Variants in NKAIN2 observed in about 807,000 individuals in gnomAD.
The protein encoded by NKAIN2 is sodium/potassium-transporting ATPase subunit beta-1-interacting protein 2.
Under a neutral mutation model 32.6 loss-of-function variants are expected in NKAIN2, and 14 were observed. That is an observed-to-expected ratio of 0.43 (90% CI 0.28 to 0.67). The LOEUF (loss-of-function observed/expected upper bound fraction) is 0.67. NKAIN2 is among the 30% of genes least tolerant of loss of function. The pLI is 0.17. For synonymous variants in NKAIN2, 80 were observed against 87.2 expected (o/e 0.92, Z 0.46); for missense variants, 198 against 258.3 (o/e 0.77, Z 1.60).
At chr6:124,055,000 A>G (rs1396408203) in intron 1 of NKAIN2, among the ~76,000 whole-genome samples, 1 of 152,066 alleles carries the variant, frequency 6.6e-6, no homozygotes, top group African/African-American at 2.4e-5. Context: ...TTCCTATTGG[A>G]TATGTGTTTC....
At chr6:124,414,330 T>G (rs562760400) in intron 3 of NKAIN2, among the ~76,000 whole-genome samples, 1 of 152,204 alleles carries the variant, frequency 6.6e-6, no homozygotes, top group Non-Finnish European at 1.5e-5. Context: ...ATATTGACTT[T>G]TGAATTTTAA....
chr6:124,527,104 C>T (rs1377622108), intron 3 of NKAIN2, among the ~76,000 whole-genome samples: 1 of 152,070 alleles, frequency 6.6e-6, no homozygotes, highest in African/African-American at 2.4e-5. Context: ...ACTGTATAAC[C>T]CCCACTGTGA....
intron 3 of NKAIN2, among the ~76,000 whole-genome samples, chr6:124,571,582 T>C (rs1244617611): frequency 1.3e-5 from 2 of 152,188 alleles, no homozygotes; most frequent in Non-Finnish European, 2.9e-5. Flanking sequence ...GAAGTGCCTT[T>C]CATCCTGGGC....
chr6:124,618,964 A>G (rs1194213336), intron 3 of NKAIN2, among the ~76,000 whole-genome samples: 4 of 152,134 alleles, frequency 2.6e-5, no homozygotes, highest in Admixed American at 1.3e-4. Context: ...TGAGTTTTTT[A>G]TATAAGACAC....
In NKAIN2 at chr6:124,761,379, C is replaced by T. The variant is rs151000392; in HGVS notation, c.475-29960C>T. Among the ~76,000 whole-genome samples the T allele has an allele frequency of 2.0e-3, 306 of 152,236 alleles. 1 individual carries two copies. The highest frequency in any genetic ancestry group is 0.01 in the Middle Eastern group (3 of 292). On this transcript the variant is annotated intron_variant, in intron 4 of 6. Transcript: ENST00000368417. ...CAGATGATGCTATTACTTCATACCA[C>T]GTTTCCTTTTAACTTCTTATTATCT... is the stretch of plus-strand genomic sequence containing the variant.
rs192953566 is a variant in NKAIN2 at position 123,820,980 on chromosome 6, G to A, written c.54+16726G>A. Among the ~76,000 whole-genome samples the A allele has an allele frequency of 3.7e-4, 56 of 152,232 alleles. 1 individual carries two copies. Among genetic ancestry groups the A allele is most frequent in the Admixed American group, 1.1e-3 (17 of 15,286 alleles). On this transcript the variant is annotated intron_variant, in intron 1 of 6. Coordinates refer to ENST00000368417, the MANE Select transcript of NKAIN2 (RefSeq NM_001040214.3). ...ATGAATATATCACAAACCATAGCGG[G>A]GAAAACACTTTAGCTGTTTCACAAT... is the stretch of plus-strand genomic sequence containing the variant.
chr6:124,276,097 A>T (rs1795018205), intron 1 of NKAIN2, among the ~76,000 whole-genome samples: 1 of 152,014 alleles, frequency 6.6e-6, no homozygotes, highest in Admixed American at 6.6e-5. Context: ...AATTAGGGCC[A>T]AGTCTCTTTT....
rs190596433 is a variant in NKAIN2, at chr6:124,018,112, T to C, written c.54+213858T>C. The stretch of plus-strand genomic sequence containing the variant: ...TCTTGATTTCTGTGCACTCACAGGC[T>C]CAACATCACATGGAAGCTGTCAAAG... On this transcript the variant is annotated intron_variant, in intron 1 of 6. Transcript: ENST00000368417. Among the ~76,000 whole-genome samples, 77 of 152,292 alleles carry C rather than the reference T, an allele frequency of 5.1e-4. No individual in the cohort carries two copies. The East Asian group carries it at 6.2e-3, about 12-fold the overall frequency.
chr6:124,344,407 A>G (rs374908253), intron 2 of NKAIN2, among the ~76,000 whole-genome samples: 4 of 151,718 alleles, frequency 2.6e-5, no homozygotes, highest in South Asian at 2.1e-4. Context: ...CATTGAATCT[A>G]TAAATTACCT....
At chr6:124,769,228 C>A (rs567084263) in intron 4 of NKAIN2, among the ~76,000 whole-genome samples, 1 of 152,092 alleles carries the variant, frequency 6.6e-6, no homozygotes, top group Non-Finnish European at 1.5e-5. Flanking sequence ...AGGTGACACT[C>A]GGTGAGACAT....
intron 3 of NKAIN2, chr6:124,437,935 A>C: frequency 2.5e-6 from 1 of 394,070 alleles, no homozygotes. Context: ...TGATTTTCTC[A>C]ATAGTTATTA....
At chr6:124,530,520 GTC>G (rs1236956818) in intron 3 of NKAIN2, among the ~76,000 whole-genome samples, 1 of 152,084 alleles carries the variant, frequency 6.6e-6, no homozygotes, top group African/African-American at 2.4e-5. Flanking sequence ...ACTGAAAAAA[GTC>G]TGCACATAAA....
intron 1 of NKAIN2, among the ~76,000 whole-genome samples, chr6:123,860,616 G>T (rs973690518): frequency 6.6e-6 from 1 of 152,094 alleles, no homozygotes; most frequent in Admixed American, 6.5e-5. Flanking sequence ...TCACCATGTT[G>T]CCCAGGCTGT....
At chr6:124,766,177 C>A (rs1478204162) in intron 4 of NKAIN2, among the ~76,000 whole-genome samples, 1 of 152,164 alleles carries the variant, frequency 6.6e-6, no homozygotes, top group Admixed American at 6.5e-5. Flanking sequence ...TACTACCTTT[C>A]CATGAGGAGA....
intron 4 of NKAIN2, among the ~76,000 whole-genome samples, chr6:124,712,619 G>C (rs1049362976): frequency 2.7e-5 from 4 of 149,768 alleles, no homozygotes; most frequent in Non-Finnish European, 5.9e-5. Flanking sequence ...AGTCGGAAAG[G>C]GAACTCCCTG....
intron 2 of NKAIN2, among the ~76,000 whole-genome samples, chr6:124,288,405 GAT>G (rs1176528822): frequency 6.6e-6 from 1 of 152,126 alleles, no homozygotes; most frequent in Non-Finnish European, 1.5e-5. Context: ...ATTTCCAGAG[GAT>G]TTAGATTTTA....
At chr6:124,488,338 A>G (rs1010523724) in intron 3 of NKAIN2, among the ~76,000 whole-genome samples, 1 of 152,050 alleles carries the variant, frequency 6.6e-6, no homozygotes, top group Non-Finnish European at 1.5e-5. Flanking sequence ...AAATTAAGCC[A>G]TAACCGTATC....
intron 1 of NKAIN2, among the ~76,000 whole-genome samples, chr6:124,110,456 G>T (rs2114968621): frequency 6.6e-6 from 1 of 152,044 alleles, no homozygotes; most frequent in East Asian, 1.9e-4. Flanking sequence ...TTTTTTGCAT[G>T]GGTATATTTT....
intron 3 of NKAIN2, among the ~76,000 whole-genome samples, chr6:124,596,511 G>A (rs1484242305): frequency 1.3e-5 from 2 of 152,136 alleles, no homozygotes; most frequent in African/African-American, 4.8e-5. Context: ...CCCACAACTA[G>A]TCGATACATA....
Sources: gnomAD v4.1 joint callset for allele counts (sites outside exome capture counted in the v4.1 genomes callset) on GRCh38, gnomAD v4.1.1 for gene constraint, MANE v1.5 for transcripts, NCBI Gene and HGNC (gene_info 2026-07-23, HGNC 2026-07-21) for gene names.